Variants in KIT observed in about 807,000 individuals in gnomAD.
KIT encodes KIT proto-oncogene, receptor tyrosine kinase.
KIT carries 16 observed loss-of-function variants against 105.7 expected under a neutral mutation model. That is an observed-to-expected ratio of 0.15 (90% CI 0.10 to 0.23). KIT has a LOEUF of 0.23. KIT is among the 10% of genes least tolerant of loss of function. KIT has a pLI of 1.00. For synonymous variants in KIT, 438 were observed against 441.1 expected (o/e 0.99, Z 0.09); for missense variants, 858 against 1,213.8 (o/e 0.71, Z 4.36).
intron 17 of KIT, 179 bp downstream of exon 17, chr4:54,733,371 T>C: frequency 3.4e-6 from 2 of 585,772 alleles, no homozygotes; most frequent in East Asian, 3.0e-5. Context: ...TTACTACAAC[T>C]AACATTCAAT....
chr4:54,699,620 T>C lies in KIT; in HGVS notation c.620-10T>C, dbSNP rs1362563387. ...AATTATTTGAGGGGCCACATTTCTT[T>C]TCATTCTAGCCTTCAAAGCTGTGCC... is the stretch of plus-strand genomic sequence containing the variant. On this transcript the variant is annotated splice_polypyrimidine_tract_variant and intron_variant, in intron 3 of 20. Transcript: ENST00000288135. 10 of 1,613,774 alleles carry C rather than the reference T, an allele frequency of 6.2e-6. No individual in the cohort carries two copies. The highest frequency in any genetic ancestry group is 8.5e-6 in the Non-Finnish European group (10 of 1,179,846).
rs1723189561 is a variant in KIT, at chr4:54,740,612, C to T, written c.*2055C>T. 8.6e-6 allele frequency: 2 copies of T among 232,414 alleles called. No homozygotes were observed. The highest frequency in any genetic ancestry group is 1.8e-4 in the South Asian group (1 of 5,514). The allele number at this position is 232,414 out of a possible 1,614,324, so 14.4% of individuals were successfully genotyped here. A position where few individuals can be genotyped will look rare whatever the true frequency, so the allele number is the denominator to read the frequency against. Reference sequence around the variant, plus strand: ...ACTTTATGTGTAAATACATAAGCGGCGTAAGTTTAAAGGATGTTGGTGTTC... The same window carrying T: ...ACTTTATGTGTAAATACATAAGCGGTGTAAGTTTAAAGGATGTTGGTGTTC... On this transcript the variant is annotated 3_prime_UTR_variant, in exon 21 of 21. Coordinates refer to ENST00000288135, the MANE Select transcript of KIT (RefSeq NM_000222.3).
At chr4:54,699,914 C>T (rs954284810) in intron 4 of KIT, 148 bp downstream of exon 4, 1 of 763,588 alleles carries the variant, frequency 1.3e-6, no homozygotes, top group African/African-American at 1.7e-5. Context: ...TGCATATTTC[C>T]CCCTTTCATA....
intron 8 of KIT, among the ~76,000 whole-genome samples, chr4:54,725,059 C>T (rs960542959): frequency 6.6e-6 from 1 of 152,116 alleles, no homozygotes; most frequent in Admixed American, 6.5e-5. Context: ...AGAACTCAAA[C>T]TTCAGTCCTC....
intron 7 of KIT, among the ~76,000 whole-genome samples, chr4:54,718,123 CAG>C (rs990390291): frequency 1.3e-5 from 2 of 152,192 alleles, no homozygotes; most frequent in African/African-American, 4.8e-5. Context: ...GCTTTTGAGA[CAG>C]AGTCTTGTTC....
intron 1 of KIT, among the ~76,000 whole-genome samples, chr4:54,658,850 C>T (rs911374064): frequency 2.6e-5 from 4 of 152,184 alleles, no homozygotes; most frequent in Admixed American, 2.0e-4. Context: ...TGCTTTCGTA[C>T]ATCCCGTGCT....
Position 54,738,743 on chromosome 4 carries a change from G to T in KIT, c.*186G>T. On this transcript the variant is annotated 3_prime_UTR_variant, in exon 21 of 21. Transcript: ENST00000288135. Reference sequence around the variant, plus strand: ...TCATCAGCCACCATCCTATTGCAAAGGTTCCAACTGTATATATTCCCAATA... The same window carrying T: ...TCATCAGCCACCATCCTATTGCAAATGTTCCAACTGTATATATTCCCAATA... 1 of 714,330 alleles carries T rather than the reference G, an allele frequency of 1.4e-6. No homozygotes were observed. Among genetic ancestry groups the T allele is most frequent in the Non-Finnish European group, 2.5e-6 (1 of 405,530 alleles). The allele number at this position is 714,330 out of a possible 1,614,324, so 44.2% of individuals were successfully genotyped here.
intron 1 of KIT, among the ~76,000 whole-genome samples, chr4:54,660,063 C>T (rs1411077688): frequency 6.6e-6 from 1 of 152,108 alleles, no homozygotes; most frequent in Non-Finnish European, 1.5e-5. Flanking sequence ...CCTTTGGGTC[C>T]AGAATTCTCC....
chr4:54,659,719 T>C (rs1325239174), intron 1 of KIT, among the ~76,000 whole-genome samples: 1 of 152,216 alleles, frequency 6.6e-6, no homozygotes, highest in Non-Finnish European at 1.5e-5. Context: ...TTTATGTTTT[T>C]GTGCCTTGAC....
chr4:54,677,617 T>C (rs1411602323), intron 1 of KIT, among the ~76,000 whole-genome samples: 1 of 152,206 alleles, frequency 6.6e-6, no homozygotes, highest in Non-Finnish European at 1.5e-5. Context: ...GGCTGGGGGT[T>C]GTGGGTTGTG....
intron 1 of KIT, among the ~76,000 whole-genome samples, chr4:54,672,714 T>C (rs7663318): frequency 0.41 from 61,966 of 152,056 alleles, 12,798 homozygotes; most frequent in Admixed American, 0.47. Flanking sequence ...TACTCTGCTG[T>C]CTCCCTTGTT....
chr4:54,703,174 T>G (rs1312584468), intron 4 of KIT, among the ~76,000 whole-genome samples: 7 of 152,216 alleles, frequency 4.6e-5, no homozygotes, highest in Non-Finnish European at 8.8e-5. Flanking sequence ...ATGTCTCTTA[T>G]ACCTTGGAAC....
intron 17 of KIT, among the ~76,000 whole-genome samples, chr4:54,735,658 A>G (rs1291104448): frequency 1.3e-5 from 2 of 152,196 alleles, no homozygotes; most frequent in Admixed American, 6.5e-5. Context: ...TATTTAACCC[A>G]CAAGACAATT....
chr4:54,703,098 C>G (rs953587914), intron 4 of KIT, among the ~76,000 whole-genome samples: 10 of 152,100 alleles, frequency 6.6e-5, no homozygotes, highest in African/African-American at 2.4e-4. Context: ...ATGGTGATAT[C>G]ACAAGGGTAA....
chr4:54,661,559 C>CAG (rs1717270450), intron 1 of KIT, among the ~76,000 whole-genome samples: 1 of 152,200 alleles, frequency 6.6e-6, no homozygotes, highest in Admixed American at 6.5e-5. Flanking sequence ...GCTTTTTCTT[C>CAG]AGAATGAATG....
intron 1 of KIT, among the ~76,000 whole-genome samples, chr4:54,670,987 G>T (rs943191350): frequency 8.1e-5 from 6 of 74,216 alleles, no homozygotes; most frequent in Non-Finnish European, 2.2e-4. Context: ...AATAACTGTT[G>T]TAATAACTGT....
At chr4:54,698,195 T>C in intron 2 of KIT, 89 bp from the exon 3 acceptor site, 1 of 1,378,382 alleles carries the variant, frequency 7.3e-7, no homozygotes, top group Non-Finnish European at 1.0e-6. Flanking sequence ...CCACTAGTCA[T>C]GAAAGGCAAC....
rs112438958 is a variant in KIT, at chr4:54,674,452, T to G, written c.67+16371T>G. On this transcript the variant is annotated intron_variant, in intron 1 of 20. Transcript: ENST00000288135. ...CTGATGGTAGTTTGTCATCTAGAGTTGTTGTGGATGTTGTCCATGGTTTTT... is the reference window on the plus strand; with the variant it reads ...CTGATGGTAGTTTGTCATCTAGAGTGGTTGTGGATGTTGTCCATGGTTTTT... 8.1e-3 allele frequency among the ~76,000 whole-genome samples: 1,226 copies of G among 152,272 alleles called. 19 individuals are homozygous for G. The highest frequency in any genetic ancestry group is 0.028 in the African/African-American group (1,183 of 41,540).
intron 1 of KIT, among the ~76,000 whole-genome samples, chr4:54,671,336 G>T (rs1052769720): frequency 6.6e-6 from 1 of 152,156 alleles, no homozygotes; most frequent in African/African-American, 2.4e-5. Context: ...CCAAGATAAA[G>T]GCTGTCTGGG....
Sources: gnomAD v4.1 joint callset for allele counts (sites outside exome capture counted in the v4.1 genomes callset) on GRCh38, gnomAD v4.1.1 for gene constraint, MANE v1.5 for transcripts, NCBI Gene and HGNC (gene_info 2026-07-23, HGNC 2026-07-21) for gene names.